Variants in MON2 observed in about 807,000 individuals in gnomAD.
MON2 encodes protein MON2 homolog.
A neutral mutation model predicts 208.6 loss-of-function variants in MON2; 84 were observed. The ratio of observed to expected loss-of-function variants is 0.40; its 90% CI spans 0.34 to 0.48. The LOEUF (loss-of-function observed/expected upper bound fraction) is 0.48. Ranked by LOEUF, MON2 falls within the 20% of genes least tolerant of loss-of-function variation. The pLI, the probability that MON2 is intolerant of heterozygous loss-of-function variation, is 0.59. For synonymous variants in MON2, 660 were observed against 694.0 expected, an observed-to-expected ratio of 0.95 and a Z score of 0.77; for missense variants, 1,611 against 2,015.4, an observed-to-expected ratio of 0.80 and a Z score of 3.84.
chr12:62,525,665 T>C (rs1374771684), intron 10 of MON2, among the ~76,000 whole-genome samples: 1 of 152,206 alleles, frequency 6.6e-6, no homozygotes, highest in African/African-American at 2.4e-5. Context: ...TTGTATACTT[T>C]ATTCCCACTT....
chr12:62,489,958 T>C (rs1185731932), intron 2 of MON2: 2 of 890,720 alleles, frequency 2.2e-6, no homozygotes, highest in Non-Finnish European at 3.0e-6. Flanking sequence ...GCTGTTAAAA[T>C]TTTTCACAAT....
intron 31 of MON2, 32 bp from the exon 32 acceptor site, chr12:62,580,265 C>G: frequency 6.3e-7 from 1 of 1,591,636 alleles, no homozygotes; most frequent in African/African-American, 1.3e-5. Context: ...TCAAAGAAAA[C>G]AATACATTTG....
intron 1 of MON2, among the ~76,000 whole-genome samples, chr12:62,473,664 G>A (rs2068909322): frequency 6.6e-6 from 1 of 152,112 alleles, no homozygotes; most frequent in African/African-American, 2.4e-5. Flanking sequence ...CTGTCTCCCA[G>A]GCTCAAATGA....
In MON2 at chr12:62,565,999, A is replaced by G. The variant is rs902465276; in HGVS notation, c.4177-15A>G. 9 of 1,606,012 alleles carry G rather than the reference A, an allele frequency of 5.6e-6. No individual in the cohort carries two copies. The highest frequency in any genetic ancestry group is 2.7e-5 in the African/African-American group (2 of 74,662). On this transcript the variant is annotated splice_polypyrimidine_tract_variant and intron_variant, in intron 27 of 34. Transcript: ENST00000393630. ...CTCATTCTATTTGTCTTGCAACACA[A>G]TGGAATCACAATAGATCCAACTATT...
At chr12:62,471,661 G>GTA (rs2068795493) in intron 1 of MON2, among the ~76,000 whole-genome samples, 1 of 152,166 alleles carries the variant, frequency 6.6e-6, no homozygotes, top group African/African-American at 2.4e-5. Flanking sequence ...AAGAGTGTGT[G>GTA]TATAGAGTGA....
At chr12:62,497,283 G>A (rs971074405) in intron 4 of MON2, among the ~76,000 whole-genome samples, 11 of 151,822 alleles carry the variant, frequency 7.2e-5, no homozygotes, top group Non-Finnish European at 1.3e-4. Flanking sequence ...CCTGCACATT[G>A]TGCACATGTA....
At chr12:62,470,668 A>C (rs766203672) in intron 1 of MON2, 3 of 1,014,392 alleles carry the variant, frequency 3.0e-6, no homozygotes, top group Non-Finnish European at 3.7e-6. Flanking sequence ...GTATTTCATG[A>C]ATAAAAACTT....
At chr12:62,578,348 A>G in intron 30 of MON2, 97 bp from the exon 31 acceptor site, 1 of 774,464 alleles carries the variant, frequency 1.3e-6, no homozygotes, top group Non-Finnish European at 2.1e-6. Context: ...CTGGGTTGGA[A>G]GACATAATTT....
chr12:62,563,412 A>G (rs1208101623), intron 26 of MON2, among the ~76,000 whole-genome samples: 5 of 152,168 alleles, frequency 3.3e-5, no homozygotes, highest in Admixed American at 6.6e-5. Context: ...TGAGTTAGTA[A>G]GTGAAACCTT....
chr12:62,572,010 C>A (rs2074611951), intron 30 of MON2, among the ~76,000 whole-genome samples: 1 of 152,186 alleles, frequency 6.6e-6, no homozygotes, highest in Admixed American at 6.5e-5. Context: ...TAACAATTTT[C>A]ATTGTATGGT....
chr12:62,501,514 C>T (rs1013510280), intron 6 of MON2, 59 bp from the exon 7 acceptor site: 18 of 1,576,366 alleles, frequency 1.1e-5, no homozygotes, highest in African/African-American at 5.4e-5. Flanking sequence ...TTATGAACTG[C>T]GAGTTTGGAA....
intron 16 of MON2, 34 bp downstream of exon 16, chr12:62,537,740 TG>T (rs776379914): frequency 6.2e-6 from 9 of 1,458,686 alleles, no homozygotes; most frequent in Non-Finnish European, 5.7e-6. Context: ...AGATTAGTGT[TG>T]TTTTTATATA....
intron 1 of MON2, among the ~76,000 whole-genome samples, chr12:62,469,141 C>T (rs1225200664): frequency 1.5e-5 from 2 of 129,256 alleles, no homozygotes; most frequent in Non-Finnish European, 3.2e-5. Context: ...TTTGTAGAGA[C>T]GGGGTTTTGG....
At chr12:62,529,322 C>G (rs1478524330) in intron 11 of MON2, among the ~76,000 whole-genome samples, 3 of 152,068 alleles carry the variant, frequency 2.0e-5, no homozygotes, top group African/African-American at 7.2e-5. Context: ...ATTTCTGTGT[C>G]TCTTAGGGTT....
At chr12:62,540,277 A>G (rs916757447) in intron 19 of MON2, among the ~76,000 whole-genome samples, 1 of 152,198 alleles carries the variant, frequency 6.6e-6, no homozygotes, top group African/African-American at 2.4e-5. Flanking sequence ...GTTCATAGTT[A>G]GTGACAATTA....
chr12:62,538,021 T>C (rs2073061413), intron 16 of MON2, 75 bp from the exon 17 acceptor site: 1 of 1,353,494 alleles, frequency 7.4e-7, no homozygotes, highest in African/African-American at 1.5e-5. Flanking sequence ...AAGTTACTAC[T>C]GATTTTAATT....
At chr12:62,526,178 G>A (rs2136192278) in intron 11 of MON2, 76 bp downstream of exon 11, 3 of 1,420,584 alleles carry the variant, frequency 2.1e-6, no homozygotes, top group South Asian at 1.3e-5. Flanking sequence ...CTTCTCTATT[G>A]TATTTTAAAT....
chr12:62,555,895 T>G lies in MON2; in HGVS notation c.3211-99T>G. 3.3e-6 allele frequency: 3 copies of G among 898,604 alleles called. No individual in the cohort carries two copies. The South Asian group carries it at 4.7e-5, about 14-fold the overall frequency. 55.7% of individuals were successfully genotyped at this position (898,604 alleles called of 1,614,324 possible). The stretch of plus-strand genomic sequence containing the variant: ...GGATTGATAAGACTGTCAAGTATAT[T>G]TTTTGTAACAATTTGTAGATTCTTA... On this transcript the variant is annotated intron_variant, in intron 24 of 34. Coordinates refer to ENST00000393630, the MANE Select transcript of MON2 (RefSeq NM_015026.3).
At chr12:62,537,800 GCCT>G in intron 16 of MON2, 94 bp downstream of exon 16, 1 of 988,572 alleles carries the variant, frequency 1.0e-6, no homozygotes, top group Non-Finnish European at 1.5e-6. Context: ...TTTTGGACAG[GCCT>G]AAAAAATAGA....
Sources: gnomAD v4.1 joint callset for allele counts (sites outside exome capture counted in the v4.1 genomes callset) on GRCh38, gnomAD v4.1.1 for gene constraint, MANE v1.5 for transcripts, NCBI Gene and HGNC (gene_info 2026-07-23, HGNC 2026-07-21) for gene names.